Variants in KAT6A observed in about 807,000 individuals in gnomAD.
KAT6A encodes lysine acetyltransferase 6A, also known as histone acetyltransferase KAT6A.
Under a neutral mutation model 198.4 loss-of-function variants are expected in KAT6A, and 9 were observed. The observed-to-expected ratio is 0.05, with a 90% confidence interval of 0.03 to 0.08. The LOEUF is 0.08. Ranked by LOEUF, KAT6A falls within the 10% of genes least tolerant of loss-of-function variation. The pLI is 1.00. For synonymous variants in KAT6A, 890 were observed against 883.0 expected (o/e 1.01, Z -0.14); for missense variants, 2,077 against 2,509.9 (o/e 0.83, Z 3.69).
chr8:41,984,675 C>A (rs911495771), intron 3 of KAT6A, among the ~76,000 whole-genome samples: 2 of 152,180 alleles, frequency 1.3e-5, no homozygotes, highest in Admixed American at 1.3e-4. Flanking sequence ...TCTACAATTT[C>A]TTTAAAAGTT....
intron 2 of KAT6A, among the ~76,000 whole-genome samples, chr8:42,014,117 T>C (rs1476899069): frequency 6.6e-6 from 1 of 151,920 alleles, no homozygotes; most frequent in Non-Finnish European, 1.5e-5. Context: ...CATTTAGAAT[T>C]GTTAAAAAAA....
intron 15 of KAT6A, among the ~76,000 whole-genome samples, chr8:41,939,036 C>A (rs1821981066): frequency 6.9e-6 from 1 of 145,780 alleles, no homozygotes. Context: ...AAAACTGGAA[C>A]AATCTGAGCA....
At chr8:41,946,949 C>T (rs1426104438) in intron 11 of KAT6A, among the ~76,000 whole-genome samples, 2 of 152,118 alleles carry the variant, frequency 1.3e-5, no homozygotes, top group Admixed American at 6.5e-5. Flanking sequence ...AAACACAGTA[C>T]GCCAATGCCT....
At chr8:41,985,449 C>T (rs1280492891) in intron 3 of KAT6A, among the ~76,000 whole-genome samples, 4 of 152,126 alleles carry the variant, frequency 2.6e-5, no homozygotes, top group Admixed American at 6.5e-5. Context: ...CAGGGATATT[C>T]GAAAGGTAAA....
At position 41,980,932 on chromosome 8, in the gene KAT6A, T is replaced by C. The variant is rs756945098; in HGVS notation, c.826-5A>G. ...ATCACAAAAGAGCATGTTATCCTATTAGAAAAAAGAAAGGACAGTTTTGCT... is the reference window on the plus strand; with the variant it reads ...ATCACAAAAGAGCATGTTATCCTATCAGAAAAAAGAAAGGACAGTTTTGCT... On this transcript the variant is annotated splice_polypyrimidine_tract_variant and splice_region_variant and intron_variant, in intron 4 of 16. Coordinates refer to ENST00000265713, the MANE Select transcript of KAT6A (RefSeq NM_006766.5). 1.9e-6 allele frequency: 3 copies of C among 1,605,334 alleles called. No individual in the cohort carries two copies. The highest frequency in any genetic ancestry group is 2.6e-6 in the Non-Finnish European group (3 of 1,173,368).
Position 41,977,306 on chromosome 8 carries a change from T to A in KAT6A, c.1065A>T (p.Lys355Asn), listed in dbSNP as rs140126559. 52 of 1,613,338 alleles carry A rather than the reference T, an allele frequency of 3.2e-5. No individual in the cohort carries two copies. In the African/African-American group the frequency reaches 5.7e-4, roughly 18 times the overall value. The change falls in exon 7 of 17, where the codon AAA becomes AAT. Residue 355 changes from lysine (K) to asparagine (N), a missense_variant. Lys to Asn is a moderately conservative substitution (Grantham distance 94). Coordinates refer to ENST00000265713, the MANE Select transcript of KAT6A (RefSeq NM_006766.5). ...QNTVSKGPFS[K>N]VRTGPGRGRK... ...TACCCCTTCCAGGGCCAGTTCGAACTTTGCTGAAGGGACCTTTTGATCTAA... is the reference window on the plus strand; with the variant it reads ...TACCCCTTCCAGGGCCAGTTCGAACATTGCTGAAGGGACCTTTTGATCTAA...
chr8:41,996,339 A>G (rs1326257787), intron 2 of KAT6A, among the ~76,000 whole-genome samples: 1 of 152,250 alleles, frequency 6.6e-6, no homozygotes, highest in Non-Finnish European at 1.5e-5. Context: ...CAGCCACTGG[A>G]AATTACTGAG....
chr8:41,995,044 G>A (rs944904220), intron 2 of KAT6A, among the ~76,000 whole-genome samples: 2 of 150,336 alleles, frequency 1.3e-5, no homozygotes, highest in Non-Finnish European at 3.0e-5. Context: ...CAACAAGAGC[G>A]AGACTCCATC....
Position 41,974,719 on chromosome 8 carries a change from T to C in KAT6A, c.1467A>G (p.Gln489=). 2.5e-6 allele frequency: 4 copies of C among 1,606,964 alleles called. No homozygotes were observed. The highest frequency in any genetic ancestry group is 3.4e-6 in the Non-Finnish European group (4 of 1,175,284). ...CCAACTTTACCTGCAGTGCTTGTTC[T>C]TGGATATCACGAAATAATTCCATAT... ...EKDMELFRDI[Q]EQALQKVGVT... Residue 489 remains glutamine (Q), a synonymous_variant, in exon 8 of 17, where the codon CAA becomes CAG. Coordinates refer to ENST00000265713, the MANE Select transcript of KAT6A (RefSeq NM_006766.5).
At chr8:41,993,896 G>A (rs556092783) in intron 2 of KAT6A, among the ~76,000 whole-genome samples, 4 of 152,252 alleles carry the variant, frequency 2.6e-5, no homozygotes, top group African/African-American at 9.6e-5. Flanking sequence ...GTGAGGTAGG[G>A]CTAAAACTAT....
At chr8:42,030,466 G>C (rs1827050875) in intron 2 of KAT6A, among the ~76,000 whole-genome samples, 1 of 152,042 alleles carries the variant, frequency 6.6e-6, no homozygotes, top group African/African-American at 2.4e-5. Context: ...TGGCTGTTTT[G>C]GTCCACCTTT....
At chr8:42,003,247 TCTCAGAACTAGACTTCCCATGCGCC>T (rs1487198249) in intron 2 of KAT6A, among the ~76,000 whole-genome samples, 2 of 152,136 alleles carry the variant, frequency 1.3e-5, no homozygotes, top group Non-Finnish European at 2.9e-5. Flanking sequence ...TTCCTTCAGC[TCTCAGAACTAGACTTCCCATGCGCC>T]CTCAGAAAGC....
chr8:41,962,798 G>A (rs1037651048), intron 8 of KAT6A, among the ~76,000 whole-genome samples: 1 of 152,138 alleles, frequency 6.6e-6, no homozygotes, highest in Non-Finnish European at 1.5e-5. Flanking sequence ...TGAGCCTTAT[G>A]TATTTGGCTC....
intron 2 of KAT6A, among the ~76,000 whole-genome samples, chr8:42,011,787 GA>G (rs1280740067): frequency 6.6e-6 from 1 of 150,838 alleles, no homozygotes; most frequent in Non-Finnish European, 1.5e-5. Flanking sequence ...TTGTGGCAAG[GA>G]AATATTGAGG....
At chr8:41,993,306 C>T (rs1163280515) in intron 2 of KAT6A, among the ~76,000 whole-genome samples, 1 of 152,174 alleles carries the variant, frequency 6.6e-6, no homozygotes, top group Non-Finnish European at 1.5e-5. Context: ...TTAGACCGTG[C>T]TTACTCATGA....
At chr8:41,995,234 T>TA (rs1368099357) in intron 2 of KAT6A, among the ~76,000 whole-genome samples, 1 of 152,106 alleles carries the variant, frequency 6.6e-6, no homozygotes, top group Admixed American at 6.5e-5. Flanking sequence ...AGTGCAGTAA[T>TA]AATCACAGCA....
In KAT6A at chr8:41,930,948, T is replaced by A. The variant is rs1324834318; in HGVS notation, c.*1257A>T. ...AGGAGAGGTGCTTGTGCACTCTGAT[T>A]CACAGGGGATGAACTCAGGATCTCA... On this transcript the variant is annotated 3_prime_UTR_variant, in exon 17 of 17. Transcript: ENST00000265713. The A allele has an allele frequency of 4.8e-6, 1 of 209,916 alleles. No homozygotes were observed. The highest frequency in any genetic ancestry group is 5.9e-5 in the Admixed American group (1 of 16,880). The allele number at this position is 209,916 out of a possible 1,614,324, so 13.0% of individuals were successfully genotyped here.
chr8:41,975,281 A>G (rs1823994228), intron 7 of KAT6A, among the ~76,000 whole-genome samples: 1 of 152,140 alleles, frequency 6.6e-6, no homozygotes, highest in South Asian at 2.1e-4. Flanking sequence ...ACAAACTTTA[A>G]AACACTGTCC....
At chr8:42,011,168 T>C (rs1355666978) in intron 2 of KAT6A, among the ~76,000 whole-genome samples, 1 of 152,194 alleles carries the variant, frequency 6.6e-6, no homozygotes, top group African/African-American at 2.4e-5. Flanking sequence ...TACATGTTAA[T>C]TTAGATTATA....
Sources: allele counts gnomAD v4.1 joint callset (sites outside exome capture counted in the v4.1 genomes callset), GRCh38; gene constraint gnomAD v4.1.1; transcripts MANE v1.5; gene names NCBI Gene and HGNC (gene_info 2026-07-23, HGNC 2026-07-21).